PCDHGA7: variants seen among roughly 807,000 people sequenced by gnomAD.
PCDHGA7 encodes the protein protocadherin gamma subfamily A, 7, also known as protocadherin gamma-A7.
PCDHGA7 carries 44 observed loss-of-function variants against 58.3 expected under a neutral mutation model. The observed-to-expected ratio is 0.75, with a 90% CI of 0.59 to 0.97. The LOEUF (loss-of-function observed/expected upper bound fraction) is 0.97. Among genes scored for constraint, PCDHGA7 ranks in the 50% least tolerant of loss-of-function variants. The pLI is 0.00. For missense variants in PCDHGA7, 1,266 were observed against 1,188.7 expected, an observed-to-expected ratio of 1.06 and a Z score of -0.96; for synonymous variants, 516 against 504.2, an observed-to-expected ratio of 1.02 and a Z score of -0.31.
At position 141,477,530 on chromosome 5, in the gene PCDHGA7, C is replaced by A; in HGVS notation, c.2425-17277C>A. The A allele has an allele frequency of 6.2e-7, 1 of 1,614,186 alleles. No homozygotes were observed. The highest frequency in any genetic ancestry group is 1.1e-5 in the South Asian group (1 of 91,082). ...CGTTTACATTGAAGAAAACAACCTCCCCGGGGCTCCAATACTAAACCTAAG... is the reference window on the plus strand; with the variant it reads ...CGTTTACATTGAAGAAAACAACCTCACCGGGGCTCCAATACTAAACCTAAG... On this transcript the variant is annotated intron_variant, in intron 1 of 3. Coordinates refer to ENST00000518325, the MANE Select transcript of PCDHGA7 (RefSeq NM_018920.4). The surrounding 1 kb of genome is among the most constrained non-coding windows in gnomAD (Gnocchi z 4.9).
At chr5:141,394,893 G>A (rs769819389) in intron 1 of PCDHGA7, 7 of 1,613,858 alleles carry the variant, frequency 4.3e-6, no homozygotes, top group South Asian at 2.2e-5. Context: ...ACTCTATCTC[G>A]TGGTGGCAGT....
rs764055095 is a variant in PCDHGA7, at chr5:141,385,083, A to G, written c.2184A>G (p.Ser728=). ...RWHKSRLLQA[S]EGGLANVPTS... ...ACAAGTCACGCCTGCTGCAGGCTTC[A>G]GAAGGTGGCTTGGCGAACGTGCCCA... Residue 728 remains serine (S), a synonymous_variant, in exon 1 of 4, where the codon TCA becomes TCG. Coordinates refer to ENST00000518325, the MANE Select transcript of PCDHGA7 (RefSeq NM_018920.4). 18 of 1,614,084 alleles carry G rather than the reference A, an allele frequency of 1.1e-5. No homozygotes were observed. The Admixed American group carries it at 3.0e-4, about 27-fold the overall frequency.
At chr5:141,478,177 A>G (rs769503109) in intron 1 of PCDHGA7, 1 of 1,613,988 alleles carries the variant, frequency 6.2e-7, no homozygotes, top group South Asian at 1.1e-5. Context: ...GGGAGCAGAA[A>G]AAAAATCTCA....
At chr5:141,399,107 G>A in intron 1 of PCDHGA7, 1 of 1,613,794 alleles carries the variant, frequency 6.2e-7, no homozygotes, top group Non-Finnish European at 8.5e-7. Flanking sequence ...GTTGCACAAT[G>A]TACAGTTGAA....
intron 1 of PCDHGA7, among the ~76,000 whole-genome samples, chr5:141,456,985 A>C (rs2098902590): frequency 6.6e-6 from 1 of 152,204 alleles, no homozygotes; most frequent in Non-Finnish European, 1.5e-5. Context: ...ACAAACAAAC[A>C]AACAAAAACT....
chr5:141,395,542 T>TTGTTTG lies in PCDHGA7; in HGVS notation c.2424+10222_2424+10223insTTGTGT, dbSNP rs1267535064. On this transcript the variant is annotated intron_variant, in intron 1 of 3. Coordinates refer to ENST00000518325, the MANE Select transcript of PCDHGA7 (RefSeq NM_018920.4). ...TCCATACTGGTAATTTTGCTATTGTTTGTGTGTGTGTGTGTGTGTGTGTGT... is the reference window on the plus strand; with the variant it reads ...TCCATACTGGTAATTTTGCTATTGTTTGTTTGTGTGTGTGTGTGTGTGTGTGTGTGT... 2.4e-3 allele frequency: 418 copies of TTGTTTG among 172,622 alleles called. 4 individuals carry two copies. The highest frequency in any genetic ancestry group is 0.019 in the African/African-American group (326 of 17,544). The allele number at this position is 172,622 out of a possible 1,614,324, so 10.7% of individuals were successfully genotyped here.
intron 3 of PCDHGA7, among the ~76,000 whole-genome samples, chr5:141,505,942 G>A (rs2099849309): frequency 6.6e-6 from 1 of 152,192 alleles, no homozygotes; most frequent in African/African-American, 2.4e-5. Flanking sequence ...AAGCCCTCAA[G>A]CAATGAAAGT....
intron 1 of PCDHGA7, chr5:141,408,641 T>G: frequency 6.2e-7 from 1 of 1,614,034 alleles, no homozygotes; most frequent in Non-Finnish European, 8.5e-7. Context: ...CGAATCTGCA[T>G]CCGCTGGTAC....
chr5:141,451,813 G>A (rs921877961), intron 1 of PCDHGA7, among the ~76,000 whole-genome samples: 13 of 150,788 alleles, frequency 8.6e-5, no homozygotes, highest in East Asian at 2.0e-4. Context: ...CCCAGGAGGC[G>A]GAGGTTACAG....
intron 1 of PCDHGA7, among the ~76,000 whole-genome samples, chr5:141,407,044 A>G (rs972892343): frequency 6.6e-6 from 1 of 152,246 alleles, no homozygotes; most frequent in African/African-American, 2.4e-5. Flanking sequence ...TGTGATCCAT[A>G]GATACACTGA....
At chr5:141,393,248 C>T (rs1242966092) in intron 1 of PCDHGA7, 2 of 1,613,798 alleles carry the variant, frequency 1.2e-6, no homozygotes, top group Middle Eastern at 1.7e-4. Context: ...TTAACGAAAT[C>T]GCGGTTCCTG....
At chr5:141,454,824 T>C (rs1231148585) in intron 1 of PCDHGA7, among the ~76,000 whole-genome samples, 1 of 127,218 alleles carries the variant, frequency 7.9e-6, no homozygotes, top group African/African-American at 3.3e-5. Flanking sequence ...TTTTTTTTTT[T>C]TGAGACAGAG....
chr5:141,492,091 C>G (rs930375969), intron 1 of PCDHGA7, among the ~76,000 whole-genome samples: 5 of 152,242 alleles, frequency 3.3e-5, no homozygotes, highest in Non-Finnish European at 5.9e-5. Flanking sequence ...CACGCTTCGC[C>G]GGTCTGTAGA....
rs777566456 is a variant in PCDHGA7, at chr5:141,405,216, A to G, written c.2424+19893A>G. On this transcript the variant is annotated intron_variant, in intron 1 of 3. Coordinates refer to ENST00000518325, the MANE Select transcript of PCDHGA7 (RefSeq NM_018920.4). ...CGAGCTTTCCTACAGACCTATTCTCAGGAGTTCTCCCTCACCGCTGACTCA... is the reference window on the plus strand; with the variant it reads ...CGAGCTTTCCTACAGACCTATTCTCGGGAGTTCTCCCTCACCGCTGACTCA... 27 of 1,613,806 alleles carry G rather than the reference A, an allele frequency of 1.7e-5. No individual in the cohort carries two copies. In the Admixed American group the frequency reaches 2.7e-4, roughly 16 times the overall value.
chr5:141,410,399 G>A, intron 1 of PCDHGA7: 1 of 1,614,044 alleles, frequency 6.2e-7, no homozygotes. Flanking sequence ...TGGTCTCTGT[G>A]TCAAGTCTGG....
intron 1 of PCDHGA7, among the ~76,000 whole-genome samples, chr5:141,488,139 T>A (rs906194527): frequency 6.6e-6 from 1 of 152,084 alleles, no homozygotes; most frequent in Non-Finnish European, 1.5e-5. Context: ...AGGAGAGAAC[T>A]AAAGGAATAG....
At chr5:141,409,145 T>G (rs2095231039) in intron 1 of PCDHGA7, 1 of 1,613,884 alleles carries the variant, frequency 6.2e-7, no homozygotes, top group Non-Finnish European at 8.5e-7. Flanking sequence ...TGTAGAAAGG[T>G]ACACCATGGA....
At chr5:141,405,231 C>T in intron 1 of PCDHGA7, 2 of 1,614,130 alleles carry the variant, frequency 1.2e-6, no homozygotes, top group Non-Finnish European at 1.7e-6. Flanking sequence ...TTCTCCCTCA[C>T]CGCTGACTCA....
chr5:141,473,850 G>A (rs1490458424), intron 1 of PCDHGA7, among the ~76,000 whole-genome samples: 1 of 152,184 alleles, frequency 6.6e-6, no homozygotes, highest in African/African-American at 2.4e-5. Flanking sequence ...TTAGGAAGAT[G>A]AACCTCGCTA....
Sources: gnomAD v4.1 joint callset for allele counts (sites outside exome capture counted in the v4.1 genomes callset) on GRCh38, gnomAD v4.1.1 for gene constraint, Gnocchi (gnomAD v3.1) non-coding constraint, MANE v1.5 for transcripts, NCBI Gene and HGNC (gene_info 2026-07-23, HGNC 2026-07-21) for gene names.